Variants in VPS13B observed in about 807,000 individuals in gnomAD.
VPS13B encodes intermembrane lipid transfer protein VPS13B.
VPS13B carries 285 observed loss-of-function variants against 426.4 expected under a neutral mutation model. The observed-to-expected ratio is 0.67, with a 90% CI of 0.61 to 0.74. The LOEUF (loss-of-function observed/expected upper bound fraction) is 0.74. Ranked by LOEUF, VPS13B falls within the 30% of genes least tolerant of loss-of-function variation. VPS13B has a pLI of 0.00. For missense variants in VPS13B, 4,537 were observed against 4,782.6 expected, an observed-to-expected ratio of 0.95 and a Z score of 1.51; for synonymous variants, 1,676 against 1,676.4, an observed-to-expected ratio of 1.00 and a Z score of 0.01.
intron 17 of VPS13B, among the ~76,000 whole-genome samples, chr8:99,270,572 C>T (rs573635449): frequency 1.4e-4 from 21 of 152,076 alleles, no homozygotes; most frequent in African/African-American, 4.8e-4. Flanking sequence ...TAAAAGAAGC[C>T]GTGTTATAAA....
At chr8:99,617,454 A>G (rs1325268977) in intron 33 of VPS13B, among the ~76,000 whole-genome samples, 1 of 151,962 alleles carries the variant, frequency 6.6e-6, no homozygotes, top group Non-Finnish European at 1.5e-5. Flanking sequence ...TCAGGTTCCT[A>G]GTAGCTGGGA....
At chr8:99,765,121 C>T (rs1221850047) in intron 39 of VPS13B, among the ~76,000 whole-genome samples, 2 of 152,114 alleles carry the variant, frequency 1.3e-5, no homozygotes, top group African/African-American at 2.4e-5. Context: ...TGGTGCATGC[C>T]TGTAATCCCA....
intron 43 of VPS13B, among the ~76,000 whole-genome samples, chr8:99,795,630 A>T (rs1812765961): frequency 6.6e-6 from 1 of 152,224 alleles, no homozygotes; most frequent in Admixed American, 6.5e-5. Context: ...TAACTAAGTG[A>T]TTCCAGCTCA....
chr8:99,788,256 A>G (rs1788577299), intron 43 of VPS13B, among the ~76,000 whole-genome samples: 1 of 151,278 alleles, frequency 6.6e-6, no homozygotes, highest in South Asian at 2.1e-4. Flanking sequence ...AATCTCCACA[A>G]AAAAATTTAA....
At chr8:99,199,305 G>T (rs1814151047) in intron 17 of VPS13B, among the ~76,000 whole-genome samples, 1 of 152,046 alleles carries the variant, frequency 6.6e-6, no homozygotes, top group Non-Finnish European at 1.5e-5. Flanking sequence ...CCGAGTAGCT[G>T]GGACTACAGG....
chr8:99,525,897 G>C (rs1385762622), intron 30 of VPS13B, among the ~76,000 whole-genome samples: 1 of 152,208 alleles, frequency 6.6e-6, no homozygotes, highest in Non-Finnish European at 1.5e-5. Flanking sequence ...AGAGAAGCCA[G>C]TGGTGGCTGG....
intron 35 of VPS13B, among the ~76,000 whole-genome samples, chr8:99,685,236 G>A (rs181186515): frequency 7.9e-5 from 12 of 152,364 alleles, no homozygotes; most frequent in East Asian, 1.9e-4. Flanking sequence ...TGGGCAATAT[G>A]CATATGGAAT....
chr8:99,486,817 T>C (rs1216799497), intron 25 of VPS13B, among the ~76,000 whole-genome samples: 1 of 152,234 alleles, frequency 6.6e-6, no homozygotes, highest in Non-Finnish European at 1.5e-5. Context: ...TTGTGTTTCC[T>C]CTTCGTTTCT....
In VPS13B at chr8:99,194,607, A is replaced by G. The variant is rs536501350; in HGVS notation, c.2515+1550A>G. 4.5e-4 allele frequency among the ~76,000 whole-genome samples: 68 copies of G among 152,270 alleles called. No individual in the cohort carries two copies. The South Asian group carries it at 0.013, about 30-fold the overall frequency. On this transcript the variant is annotated intron_variant, in intron 17 of 61. Transcript: ENST00000357162. ...CTTAAACGACAGAATTTCCTTCTTT[A>G]TTTAAGGCAGAATAGTAATCTATTG...
chr8:99,517,149 G>T (rs1822126144), intron 29 of VPS13B, among the ~76,000 whole-genome samples: 1 of 152,168 alleles, frequency 6.6e-6, no homozygotes, highest in South Asian at 2.1e-4. Context: ...ATACTCTTGA[G>T]ACTTCAGATG....
At chr8:99,768,525 A>C (rs1297105984) in intron 40 of VPS13B, among the ~76,000 whole-genome samples, 1 of 152,222 alleles carries the variant, frequency 6.6e-6, no homozygotes, top group South Asian at 2.1e-4. Flanking sequence ...AAATAAAACA[A>C]TACTGCCCAT....
chr8:99,670,364 A>G lies in VPS13B; in HGVS notation c.6046+8873A>G, dbSNP rs74747417. On this transcript the variant is annotated intron_variant, in intron 35 of 61. Coordinates refer to ENST00000357162, the MANE Select transcript of VPS13B (RefSeq NM_152564.5). ...CTTTATTGAGGTATAATTGACAAAA[A>G]TTACAAACATTTAAGGTGTACAGTG... is the stretch of plus-strand genomic sequence containing the variant. 4.9e-4 allele frequency among the ~76,000 whole-genome samples: 75 copies of G among 152,246 alleles called. No individual in the cohort carries two copies. In the East Asian group the frequency reaches 0.013, roughly 26 times the overall value.
intron 56 of VPS13B, among the ~76,000 whole-genome samples, chr8:99,854,936 A>AG (rs1315586902): frequency 1.3e-5 from 2 of 152,184 alleles, no homozygotes; most frequent in African/African-American, 4.8e-5. Context: ...GGGGCCAGGC[A>AG]GGTGGCCTCT....
chr8:99,709,194 G>A (rs1250899701), intron 36 of VPS13B, among the ~76,000 whole-genome samples: 2 of 152,118 alleles, frequency 1.3e-5, no homozygotes, highest in African/African-American at 4.8e-5. Context: ...AGTAGCCTTA[G>A]ATTACTTACA....
intron 19 of VPS13B, among the ~76,000 whole-genome samples, chr8:99,293,029 G>A (rs1175185855): frequency 3.3e-5 from 5 of 152,146 alleles, no homozygotes; most frequent in South Asian, 4.2e-4. Context: ...TTCTCTGAAC[G>A]TGTAAAGCAC....
At chr8:99,653,273 C>T (rs16897548) in intron 34 of VPS13B, among the ~76,000 whole-genome samples, 3,463 of 152,140 alleles carry the variant, frequency 0.023, 145 homozygotes, top group African/African-American at 0.079. Context: ...TTTTTAGACA[C>T]GAGGAAAAGA....
At chr8:99,141,797 C>T (rs1211252110) in intron 12 of VPS13B, among the ~76,000 whole-genome samples, 1 of 151,050 alleles carries the variant, frequency 6.6e-6, no homozygotes, top group Admixed American at 6.6e-5. Flanking sequence ...GTAATCTCAG[C>T]ACTTTGGGAG....
chr8:99,629,152 G>A (rs1828735037), intron 33 of VPS13B, among the ~76,000 whole-genome samples: 1 of 152,164 alleles, frequency 6.6e-6, no homozygotes, highest in South Asian at 2.1e-4. Context: ...AACTTCTTTA[G>A]TAGAGTTGTT....
chr8:99,209,890 T>C (rs1353483759), intron 17 of VPS13B: 3 of 330,344 alleles, frequency 9.1e-6, no homozygotes, highest in East Asian at 4.5e-4. Flanking sequence ...TAAATGTTAA[T>C]ATTTGGTTCG....
Sources: gnomAD v4.1 joint callset for allele counts (sites outside exome capture counted in the v4.1 genomes callset) on GRCh38, gnomAD v4.1.1 for gene constraint, MANE v1.5 for transcripts, NCBI Gene and HGNC (gene_info 2026-07-23, HGNC 2026-07-21) for gene names.